CNMD: variants seen among roughly 807,000 people sequenced by gnomAD.
The protein encoded by CNMD is chondromodulin.
A neutral mutation model predicts 37.5 loss-of-function variants in CNMD; 30 were observed. That is an observed-to-expected ratio of 0.80 (90% CI 0.60 to 1.09). The LOEUF (loss-of-function observed/expected upper bound fraction) is 1.09. Among genes scored for constraint, CNMD ranks in the 50% least tolerant of loss-of-function variants. CNMD has a pLI of 0.00. For missense variants in CNMD, 398 were observed against 423.9 expected, an observed-to-expected ratio of 0.94 and a Z score of 0.54; for synonymous variants, 167 against 148.2, an observed-to-expected ratio of 1.13 and a Z score of -0.92.
intron 4 of CNMD, among the ~76,000 whole-genome samples, chr13:52,717,140 C>G (rs1373231801): frequency 6.6e-6 from 1 of 151,940 alleles, no homozygotes; most frequent in African/African-American, 2.4e-5. Context: ...TGATTTGGCT[C>G]TCTGTCTATT....
At chr13:52,725,882 C>A (rs565898050) in intron 3 of CNMD, among the ~76,000 whole-genome samples, 16 of 152,190 alleles carry the variant, frequency 1.1e-4, no homozygotes, top group Non-Finnish European at 1.9e-4. Flanking sequence ...TAATGGATAG[C>A]TCTACCTTAT....
chr13:52,707,823 G>T (rs1295105158), intron 6 of CNMD, among the ~76,000 whole-genome samples: 1 of 152,030 alleles, frequency 6.6e-6, no homozygotes, highest in African/African-American at 2.4e-5. Flanking sequence ...CCTTGCAAAA[G>T]GTTGGGCGCG....
chr13:52,723,088 C>T (rs1319765925), intron 4 of CNMD, among the ~76,000 whole-genome samples: 1 of 151,834 alleles, frequency 6.6e-6, no homozygotes, highest in East Asian at 1.9e-4. Context: ...TGTGGAGTCT[C>T]TTTCGGGTTT....
At chr13:52,721,820 A>AT (rs1200679290) in intron 4 of CNMD, among the ~76,000 whole-genome samples, 3 of 152,226 alleles carry the variant, frequency 2.0e-5, no homozygotes, top group Non-Finnish European at 2.9e-5. Context: ...GGAAAAATGT[A>AT]TTTAAAAACT....
At chr13:52,721,438 T>A (rs529085857) in intron 4 of CNMD, among the ~76,000 whole-genome samples, 1 of 152,304 alleles carries the variant, frequency 6.6e-6, no homozygotes, top group Non-Finnish European at 1.5e-5. Flanking sequence ...CCCAAGGGAA[T>A]CTCCTGGCCT....
Position 52,703,507 on chromosome 13 carries a change from G to C in CNMD, c.*88C>G. 1.2e-6 allele frequency: 1 copy of C among 845,078 alleles called. No individual in the cohort carries two copies. The highest frequency in any genetic ancestry group is 1.9e-6 in the Non-Finnish European group (1 of 520,694). 52.3% of individuals were successfully genotyped at this position (845,078 alleles called of 1,614,324 possible). ...AGGTTGAGTGTAAAAATATTTTGTG[G>C]TCCTATCAGCATCAACCTGCCTTAA... is the stretch of plus-strand genomic sequence containing the variant. On this transcript the variant is annotated 3_prime_UTR_variant, in exon 7 of 7. Coordinates refer to ENST00000377962, the MANE Select transcript of CNMD (RefSeq NM_007015.3).
intron 6 of CNMD, among the ~76,000 whole-genome samples, chr13:52,707,973 G>A (rs923424178): frequency 1.3e-5 from 2 of 151,714 alleles, no homozygotes; most frequent in Non-Finnish European, 2.9e-5. Flanking sequence ...AAATTAGCTG[G>A]GCATGGTGGT....
chr13:52,739,606 T>A lies in CNMD; in HGVS notation c.72+24A>T. The A allele has an allele frequency of 6.2e-7, 1 of 1,604,462 alleles. No individual in the cohort carries two copies. Among genetic ancestry groups the A allele is most frequent in the Non-Finnish European group, 8.5e-7 (1 of 1,171,182 alleles). ...ATACTCACACAACCCAGGCCCTGCG[T>A]GTGGAATCCCTGGCGGTACTCACCG... On this transcript the variant is annotated intron_variant, in intron 1 of 6. Transcript: ENST00000377962. The surrounding 1 kb of genome is among the most constrained non-coding windows in gnomAD (Gnocchi z 5.4).
At chr13:52,717,976 C>A (rs1022274796) in intron 4 of CNMD, among the ~76,000 whole-genome samples, 2 of 151,978 alleles carry the variant, frequency 1.3e-5, no homozygotes, top group Non-Finnish European at 2.9e-5. Flanking sequence ...TGGTCCTGGG[C>A]TTTTTTTGGT....
At chr13:52,725,669 A>AT (rs1369459031) in intron 3 of CNMD, among the ~76,000 whole-genome samples, 3 of 152,192 alleles carry the variant, frequency 2.0e-5, no homozygotes, top group Non-Finnish European at 4.4e-5. Flanking sequence ...TTTTTATGGT[A>AT]TAATAATGGA....
chr13:52,706,381 C>G (rs1964173852), intron 6 of CNMD, among the ~76,000 whole-genome samples: 1 of 152,136 alleles, frequency 6.6e-6, no homozygotes. Flanking sequence ...CATGTGTGTA[C>G]AAAGAGGCAC....
chr13:52,704,212 C>T (rs1380947024), intron 6 of CNMD, among the ~76,000 whole-genome samples: 3 of 152,188 alleles, frequency 2.0e-5, no homozygotes, highest in Non-Finnish European at 4.4e-5. Flanking sequence ...CTTGTGGCTT[C>T]TTGCAGTAAT....
At chr13:52,714,956 A>G (rs1467966155) in intron 4 of CNMD, among the ~76,000 whole-genome samples, 1 of 152,154 alleles carries the variant, frequency 6.6e-6, no homozygotes, top group East Asian at 1.9e-4. Flanking sequence ...ACATATGGCT[A>G]TACTCCTTTT....
chr13:52,731,345 G>A (rs537503382), intron 3 of CNMD, among the ~76,000 whole-genome samples: 114 of 152,266 alleles, frequency 7.5e-4, no homozygotes, highest in African/African-American at 2.3e-3. Context: ...CTTGCACACA[G>A]CATGTCTCAA....
At chr13:52,732,955 T>C (rs1296397369) in intron 3 of CNMD, 5 of 464,184 alleles carry the variant, frequency 1.1e-5, no homozygotes, top group East Asian at 4.1e-5. Flanking sequence ...TAAATCCTTA[T>C]GTACATGAAT....
Position 52,712,722 on chromosome 13 carries a change from G to C in CNMD, c.616C>G (p.Pro206Ala). ...AGATAATTTAAAATGTTACCTTTTG[G>C]ATAGGTTGGTTTAAGCCAGAAAATA... ...LPIFWLKPTY[P>A]KEIQRERREV... Residue 206 changes from proline (P) to alanine (A), a missense_variant, in exon 5 of 7, where the codon CCA becomes GCA. By Grantham distance (27) the Pro-to-Ala change is conservative (BLOSUM62 -1). Coordinates refer to ENST00000377962, the MANE Select transcript of CNMD (RefSeq NM_007015.3). The C allele has an allele frequency of 2.0e-6, 3 of 1,511,360 alleles. No individual in the cohort carries two copies. Among genetic ancestry groups the C allele is most frequent in the Non-Finnish European group, 2.7e-6 (3 of 1,130,262 alleles). The allele number at this position is 1,511,360 out of a possible 1,614,324, so 93.6% of individuals were successfully genotyped here.
intron 2 of CNMD, among the ~76,000 whole-genome samples, chr13:52,738,656 A>G (rs1964816908): frequency 6.6e-6 from 1 of 152,140 alleles, no homozygotes; most frequent in Non-Finnish European, 1.5e-5. Context: ...CTTAGCAGGG[A>G]CAGGCCTTAG....
At chr13:52,724,957 A>G (rs1964548591) in intron 3 of CNMD, among the ~76,000 whole-genome samples, 1 of 152,228 alleles carries the variant, frequency 6.6e-6, no homozygotes, top group Admixed American at 6.5e-5. Flanking sequence ...TGTTAAGAAG[A>G]AAAATAAGAC....
intron 2 of CNMD, among the ~76,000 whole-genome samples, chr13:52,738,379 C>G (rs1197821582): frequency 6.6e-6 from 1 of 152,198 alleles, no homozygotes; most frequent in East Asian, 1.9e-4. Flanking sequence ...GAAAGTAGGA[C>G]AGCAGTTAGT....
Sources: gnomAD v4.1 joint callset for allele counts (sites outside exome capture counted in the v4.1 genomes callset) on GRCh38, gnomAD v4.1.1 for gene constraint, Gnocchi (gnomAD v3.1) non-coding constraint, MANE v1.5 for transcripts, NCBI Gene and HGNC (gene_info 2026-07-23, HGNC 2026-07-21) for gene names.